DYTN: variants seen among roughly 807,000 people sequenced by gnomAD.
DYTN encodes the protein dystrotelin.
Under a neutral mutation model 69.6 loss-of-function variants are expected in DYTN, and 75 were observed. That is an observed-to-expected ratio of 1.08 (90% CI 0.89 to 1.31). The LOEUF is 1.31. Ranked by LOEUF, DYTN falls within the 50% of genes most tolerant of loss-of-function variation. The pLI is 0.00. For missense variants in DYTN, 726 were observed against 688.4 expected, an observed-to-expected ratio of 1.05 and a Z score of -0.61; for synonymous variants, 252 against 249.1, an observed-to-expected ratio of 1.01 and a Z score of -0.11.
At chr2:206,708,309 C>A (rs904208777) in intron 2 of DYTN, among the ~76,000 whole-genome samples, 5 of 152,178 alleles carry the variant, frequency 3.3e-5, no homozygotes, top group Non-Finnish European at 7.3e-5. Flanking sequence ...CAGCCACTTG[C>A]ACCATCTGAG....
chr2:206,679,402 A>G (rs1699726044), intron 9 of DYTN, among the ~76,000 whole-genome samples: 1 of 152,174 alleles, frequency 6.6e-6, no homozygotes, highest in Admixed American at 6.5e-5. Context: ...TCTCCTTGAC[A>G]ATCTAGACAT....
chr2:206,690,642 A>T (rs571625561), intron 9 of DYTN, among the ~76,000 whole-genome samples: 19 of 152,170 alleles, frequency 1.2e-4, no homozygotes, highest in Non-Finnish European at 1.3e-4. Context: ...AACCAACAAG[A>T]TTTGCTGATG....
At chr2:206,656,033 T>C (rs1425788049) in intron 11 of DYTN, among the ~76,000 whole-genome samples, 1 of 152,168 alleles carries the variant, frequency 6.6e-6, no homozygotes, top group African/African-American at 2.4e-5. Flanking sequence ...ACTATTTCCT[T>C]ATTGATTTTC....
intron 2 of DYTN, among the ~76,000 whole-genome samples, chr2:206,708,712 G>A (rs1700050336): frequency 6.6e-6 from 1 of 152,102 alleles, no homozygotes; most frequent in African/African-American, 2.4e-5. Flanking sequence ...ATGTGTCCCC[G>A]ATCTTCCTAT....
At chr2:206,707,563 T>C in intron 2 of DYTN, 60 bp from the exon 3 acceptor site, 1 of 1,493,628 alleles carries the variant, frequency 6.7e-7, no homozygotes, top group Non-Finnish European at 9.1e-7. Context: ...AGGCTTCAAA[T>C]AAAGCAAATG....
At chr2:206,659,409 C>T (rs1180362857) in intron 11 of DYTN, among the ~76,000 whole-genome samples, 3 of 143,722 alleles carry the variant, frequency 2.1e-5, no homozygotes, top group African/African-American at 7.7e-5. Context: ...CTCCTGACCT[C>T]GTGATCTGCC....
At chr2:206,705,435 C>T (rs373351205) in intron 4 of DYTN, among the ~76,000 whole-genome samples, 10 of 152,298 alleles carry the variant, frequency 6.6e-5, no homozygotes, top group African/African-American at 2.2e-4. Context: ...TGATAACTAA[C>T]GGAAACCCAT....
At chr2:206,662,134 C>T (rs1217715702) in intron 11 of DYTN, among the ~76,000 whole-genome samples, 5 of 152,116 alleles carry the variant, frequency 3.3e-5, no homozygotes, top group Non-Finnish European at 7.4e-5. Context: ...ATATTCAACA[C>T]TTTATTATAA....
chr2:206,659,535 A>C (rs1160803762), intron 11 of DYTN, among the ~76,000 whole-genome samples: 1 of 150,264 alleles, frequency 6.7e-6, no homozygotes, highest in Non-Finnish European at 1.5e-5. Context: ...GTGATTAGAA[A>C]CTTCTTGCTA....
chr2:206,697,026 T>C (rs965802551), intron 7 of DYTN, among the ~76,000 whole-genome samples: 13 of 152,184 alleles, frequency 8.5e-5, no homozygotes, highest in African/African-American at 2.4e-4. Context: ...CATACATAAA[T>C]GGGAAGACAT....
intron 9 of DYTN, among the ~76,000 whole-genome samples, chr2:206,672,810 C>A (rs1699644075): frequency 6.6e-6 from 1 of 152,170 alleles, no homozygotes; most frequent in South Asian, 2.1e-4. Context: ...TGAAAACATG[C>A]TAAAGTATTT....
At chr2:206,660,365 T>C (rs1699498635) in intron 11 of DYTN, among the ~76,000 whole-genome samples, 1 of 152,178 alleles carries the variant, frequency 6.6e-6, no homozygotes, top group Non-Finnish European at 1.5e-5. Context: ...GATACTGCCT[T>C]CCAAATATGT....
At chr2:206,693,125 G>A (rs1574598423) in intron 9 of DYTN, 50 bp downstream of exon 9, 1 of 1,548,730 alleles carries the variant, frequency 6.5e-7, no homozygotes, top group Non-Finnish European at 8.7e-7. Flanking sequence ...TAACACCCAG[G>A]GCCCTTGGTG....
chr2:206,704,732 A>G (rs938423517), intron 5 of DYTN, 111 bp downstream of exon 5: 1 of 885,046 alleles, frequency 1.1e-6, no homozygotes, highest in Admixed American at 2.4e-5. Flanking sequence ...GAGAGCTTGC[A>G]TGGAGTTATA....
intron 11 of DYTN, among the ~76,000 whole-genome samples, chr2:206,658,020 T>G (rs1310723540): frequency 6.6e-6 from 1 of 152,174 alleles, no homozygotes; most frequent in East Asian, 1.9e-4. Flanking sequence ...TAGCATCCCA[T>G]GCGTCCCTTA....
chr2:206,655,201 A>G (rs1243174076), intron 11 of DYTN, among the ~76,000 whole-genome samples: 1 of 150,470 alleles, frequency 6.6e-6, no homozygotes, highest in African/African-American at 2.4e-5. Context: ...AGTGTATTGA[A>G]TTCTGTAAAA....
At chr2:206,661,292 T>TA (rs920901370) in intron 11 of DYTN, among the ~76,000 whole-genome samples, 1 of 152,236 alleles carries the variant, frequency 6.6e-6, no homozygotes, top group Non-Finnish European at 1.5e-5. Flanking sequence ...AGCAAACTAA[T>TA]ACGCCAACTC....
intron 7 of DYTN, among the ~76,000 whole-genome samples, chr2:206,695,895 C>A (rs1382768643): frequency 6.6e-6 from 1 of 152,190 alleles, no homozygotes; most frequent in Non-Finnish European, 1.5e-5. Context: ...TTCACGTATA[C>A]CACTTGCCTT....
chr2:206,689,703 G>T (rs75701478), intron 9 of DYTN, among the ~76,000 whole-genome samples: 13,055 of 152,182 alleles, frequency 0.086, 833 homozygotes, highest in East Asian at 0.21. Context: ...CCACACACGT[G>T]GTTAGTTGAG....
Sources: allele counts gnomAD v4.1 joint callset (sites outside exome capture counted in the v4.1 genomes callset), GRCh38; gene constraint gnomAD v4.1.1; transcripts MANE v1.5; gene names NCBI Gene and HGNC (gene_info 2026-07-23, HGNC 2026-07-21).